The following THSD4 variants were observed in gnomAD, a reference collection of about 807,000 sequenced individuals.
THSD4 encodes thrombospondin type-1 domain-containing protein 4.
THSD4 carries 69 observed loss-of-function variants against 119.0 expected under a neutral mutation model. The ratio of observed to expected loss-of-function variants is 0.58; its 90% CI spans 0.48 to 0.71. The LOEUF is 0.71. Ranked by LOEUF, THSD4 falls within the 30% of genes least tolerant of loss-of-function variation. The pLI is 0.00. For missense variants in THSD4, 1,393 were observed against 1,391.1 expected (o/e 1.00, Z -0.02); for synonymous variants, 524 against 540.4 (o/e 0.97, Z 0.42).
At position 71,781,043 on chromosome 15, in the gene THSD4, C is replaced by T. The variant is rs1250143230; in HGVS notation, c.*3669C>T. 7 of 321,382 alleles carry T rather than the reference C, an allele frequency of 2.2e-5. No individual in the cohort carries two copies. Among genetic ancestry groups the T allele is most frequent in the Non-Finnish European group, 3.7e-5 (6 of 161,906 alleles). The allele number at this position is 321,382 out of a possible 1,614,324, so 19.9% of individuals were successfully genotyped here. A position where few individuals can be genotyped will look rare whatever the true frequency, so the allele number is the denominator to read the frequency against. ...TAAGTGGTAAAAAGAAACATGACTT[C>T]CCTTAAAACAGGCTGGATAATCTAT... On this transcript the variant is annotated 3_prime_UTR_variant, in exon 18 of 18. Transcript: ENST00000261862.
rs1595917487 is a variant in THSD4, at chr15:71,751,206, G to A, written c.2415+2612G>A. 2.6e-5 allele frequency among the ~76,000 whole-genome samples: 4 copies of A among 152,168 alleles called. No homozygotes were observed. The South Asian group carries it at 8.3e-4, about 31-fold the overall frequency. On this transcript the variant is annotated intron_variant, in intron 14 of 17. Coordinates refer to ENST00000261862, the MANE Select transcript of THSD4 (RefSeq NM_024817.3). ...TGTGCTTCAGTTTCTGAACTCATTC[G>A]TGTTCTCAGTAAACTTGATGGATTT...
chr15:71,306,060 C>T (rs1406435287), intron 6 of THSD4, among the ~76,000 whole-genome samples: 1 of 152,112 alleles, frequency 6.6e-6, no homozygotes, highest in Non-Finnish European at 1.5e-5. Context: ...GTAATCCCAG[C>T]ACTTTGTGAG....
Position 71,263,274 on chromosome 15 carries a change from C to T in THSD4, c.1015+6559C>T, listed in dbSNP as rs749341724. Among the ~76,000 whole-genome samples the T allele has an allele frequency of 1.3e-4, 20 of 149,106 alleles. No individual in the cohort carries two copies. In the South Asian group the frequency reaches 2.1e-3, roughly 16 times the overall value. On this transcript the variant is annotated intron_variant, in intron 6 of 17. Transcript: ENST00000261862. Reference sequence around the variant, plus strand: ...GGGGATAATGGCCTCCAGCTCCATCCGTGTCCCTGCAAAGGACATAATCTC... The same window carrying T: ...GGGGATAATGGCCTCCAGCTCCATCTGTGTCCCTGCAAAGGACATAATCTC...
intron 7 of THSD4, among the ~76,000 whole-genome samples, chr15:71,508,392 G>A (rs2048225697): frequency 6.6e-6 from 1 of 152,208 alleles, no homozygotes; most frequent in African/African-American, 2.4e-5. Context: ...TAAATGCAGA[G>A]GACTTCTTCC....
At chr15:71,594,815 G>T (rs1287977956) in intron 7 of THSD4, among the ~76,000 whole-genome samples, 1 of 152,188 alleles carries the variant, frequency 6.6e-6, no homozygotes, top group Non-Finnish European at 1.5e-5. Context: ...AAGAGAGATA[G>T]AAGTTAACAA....
intron 7 of THSD4, among the ~76,000 whole-genome samples, chr15:71,630,715 C>T (rs1354829184): frequency 6.6e-6 from 1 of 152,190 alleles, no homozygotes. Flanking sequence ...GGGTCTCTCC[C>T]AGCTCTGGGG....
At chr15:71,251,547 T>C (rs538480447) in intron 5 of THSD4, among the ~76,000 whole-genome samples, 1 of 152,342 alleles carries the variant, frequency 6.6e-6, no homozygotes, top group Admixed American at 6.5e-5. Context: ...TTTCTAGATT[T>C]CTTTTTTTAA....
intron 7 of THSD4, among the ~76,000 whole-genome samples, chr15:71,562,250 AG>A (rs1437260563): frequency 1.3e-5 from 2 of 152,208 alleles, no homozygotes; most frequent in Non-Finnish European, 2.9e-5. Context: ...AGTTTAAACC[AG>A]GTACATTAAA....
intron 7 of THSD4, among the ~76,000 whole-genome samples, chr15:71,627,728 G>A (rs982821932): frequency 1.6e-4 from 25 of 152,196 alleles, no homozygotes; most frequent in Non-Finnish European, 2.6e-4. Flanking sequence ...TAGGGCAGGG[G>A]AGAGGAAGAT....
At chr15:71,665,167 AC>A (rs2051392260) in intron 8 of THSD4, among the ~76,000 whole-genome samples, 2 of 151,834 alleles carry the variant, frequency 1.3e-5, no homozygotes, top group African/African-American at 2.4e-5. Context: ...TTCTTTTTTG[AC>A]TTTTTATTAA....
At chr15:71,282,557 G>T (rs2044665765) in intron 6 of THSD4, among the ~76,000 whole-genome samples, 1 of 152,054 alleles carries the variant, frequency 6.6e-6, no homozygotes, top group South Asian at 2.1e-4. Context: ...GCTAAGCTCT[G>T]CTCCTTGACT....
At chr15:71,157,498 A>G (rs77746956) in intron 3 of THSD4, among the ~76,000 whole-genome samples, 2,600 of 152,006 alleles carry the variant, frequency 0.017, 82 homozygotes, top group African/African-American at 0.059. Context: ...TTTGTCATAT[A>G]TAATACCTTA....
chr15:71,574,017 C>A (rs2049404253), intron 7 of THSD4, among the ~76,000 whole-genome samples: 1 of 152,170 alleles, frequency 6.6e-6, no homozygotes, highest in Admixed American at 6.5e-5. Context: ...TGGGTATTGA[C>A]TGAAGAGGCG....
At chr15:71,115,143 A>T (rs1030115529), upstream of THSD4, 2 of 152,436 alleles carry the variant, frequency 1.3e-5, no homozygotes, top group Non-Finnish European at 2.9e-5. The surrounding 1 kb of genome is among the most constrained non-coding windows in gnomAD (Gnocchi z 4.4). Flanking sequence ...GGATAAGATG[A>T]ACGCGGAATT....
Position 71,108,900 on chromosome 15 carries a change from G to A in THSD4, c.-80+11894G>A, listed in dbSNP as rs1252335710. 2.6e-5 allele frequency among the ~76,000 whole-genome samples: 4 copies of A among 152,170 alleles called. No homozygotes were observed. The South Asian group carries it at 6.2e-4, about 24-fold the overall frequency. On this transcript the variant is annotated intron_variant, in intron 1 of 17. Coordinates refer to the THSD4 transcript ENST00000355327. ...CCAGCTACTCAGGAGGCTGAGGCAG[G>A]AGAATTTCTTGAATGTGAGAGGCGG... is the stretch of plus-strand genomic sequence containing the variant.
At chr15:71,659,034 C>G (rs1466550169) in intron 7 of THSD4, among the ~76,000 whole-genome samples, 1 of 152,176 alleles carries the variant, frequency 6.6e-6, no homozygotes, top group Non-Finnish European at 1.5e-5. Context: ...GGTTGCATAA[C>G]AAAATCAAAA....
chr15:71,314,623 T>A (rs1319158681), intron 6 of THSD4, among the ~76,000 whole-genome samples: 3 of 152,180 alleles, frequency 2.0e-5, no homozygotes, highest in African/African-American at 7.2e-5. Context: ...TTTTATTCTT[T>A]TAAAAGAGAA....
At chr15:71,188,212 G>T (rs1297664372) in intron 3 of THSD4, among the ~76,000 whole-genome samples, 1 of 152,220 alleles carries the variant, frequency 6.6e-6, no homozygotes, top group Non-Finnish European at 1.5e-5. Flanking sequence ...TTGAGGCTGA[G>T]AGTGATAGGG....
intron 7 of THSD4, among the ~76,000 whole-genome samples, chr15:71,490,559 C>CAAAAAAAA (rs11408465): frequency 1.2e-4 from 11 of 90,900 alleles, no homozygotes; most frequent in Non-Finnish European, 2.0e-4. Context: ...GACTCCGTCT[C>CAAAAAAAA]AAAAAAAAAA....
Sources: gnomAD v4.1 joint callset for allele counts (sites outside exome capture counted in the v4.1 genomes callset) on GRCh38, gnomAD v4.1.1 for gene constraint, Gnocchi (gnomAD v3.1) non-coding constraint, MANE v1.5 for transcripts, NCBI Gene and HGNC (gene_info 2026-07-23, HGNC 2026-07-21) for gene names.